CCDC148: variants seen among roughly 807,000 people sequenced by gnomAD.
CCDC148 encodes the protein coiled-coil domain containing 148.
A neutral mutation model predicts 85.7 loss-of-function variants in CCDC148; 89 were observed. That is an observed-to-expected ratio of 1.04 (90% CI 0.87 to 1.24). The LOEUF is 1.24. Ranked by LOEUF, CCDC148 falls within the 50% of genes most tolerant of loss-of-function variation. CCDC148 has a pLI of 0.00. For missense variants in CCDC148, 692 were observed against 671.7 expected, an observed-to-expected ratio of 1.03 and a Z score of -0.33; for synonymous variants, 230 against 213.9, an observed-to-expected ratio of 1.08 and a Z score of -0.66.
At chr2:158,286,865 T>C (rs1690651893) in intron 9 of CCDC148, among the ~76,000 whole-genome samples, 1 of 151,978 alleles carries the variant, frequency 6.6e-6, no homozygotes, top group Admixed American at 6.6e-5. Flanking sequence ...AGAGGCAAAA[T>C]AATAAAGCCT....
intron 7 of CCDC148, among the ~76,000 whole-genome samples, chr2:158,330,177 G>A (rs964489628): frequency 4.6e-5 from 7 of 152,040 alleles, no homozygotes; most frequent in African/African-American, 7.2e-5. Context: ...TTTGAGATAC[G>A]TCCCATCAAT....
At chr2:158,289,272 G>C (rs1056926355) in intron 9 of CCDC148, among the ~76,000 whole-genome samples, 6 of 152,060 alleles carry the variant, frequency 3.9e-5, no homozygotes, top group African/African-American at 1.4e-4. Context: ...ATACTATTAA[G>C]AGAATGAAAA....
At chr2:158,376,167 A>C (rs771290117) in intron 1 of CCDC148, among the ~76,000 whole-genome samples, 5 of 152,130 alleles carry the variant, frequency 3.3e-5, no homozygotes, top group Non-Finnish European at 7.4e-5. Flanking sequence ...TTGCTTTTCA[A>C]TAGTAGCATG....
At chr2:158,403,392 C>A (rs974566073) in intron 1 of CCDC148, among the ~76,000 whole-genome samples, 1 of 152,000 alleles carries the variant, frequency 6.6e-6, no homozygotes. Context: ...ACCATACATA[C>A]AGACACCTTC....
At chr2:158,398,841 GT>G (rs961985002) in intron 1 of CCDC148, among the ~76,000 whole-genome samples, 1 of 152,008 alleles carries the variant, frequency 6.6e-6, no homozygotes, top group Non-Finnish European at 1.5e-5. Context: ...CCAGGAGCTG[GT>G]TTTTTGAAAA....
In CCDC148 at chr2:158,176,586, C is replaced by T. The variant is rs113178783; in HGVS notation, c.1564G>A (p.Glu522Lys). Residue 522 changes from glutamate to lysine, a missense_variant, in exon 13 of 14, where the codon GAA becomes AAA. By Grantham distance (56) the Glu-to-Lys change is moderately conservative. Coordinates refer to ENST00000283233, the MANE Select transcript of CCDC148 (RefSeq NM_138803.4). Reference sequence around the variant, plus strand: ...TGAAGAATAAATTCTTCTTCAATTTCAATGCCCATTCTAGCTTTTGATGCC... The same window carrying T: ...TGAAGAATAAATTCTTCTTCAATTTTAATGCCCATTCTAGCTTTTGATGCC... Reference protein sequence around the residue: ...TMASKARMGIEIEEEFILQKP... With the variant: ...TMASKARMGIKIEEEFILQKP... 1,222 of 1,612,118 alleles carry T rather than the reference C, an allele frequency of 7.6e-4. 17 individuals are homozygous for T. In the African/African-American group the frequency reaches 0.014, roughly 18 times the overall value.
intron 2 of CCDC148, among the ~76,000 whole-genome samples, chr2:158,357,638 G>C (rs1683730328): frequency 6.6e-6 from 1 of 151,936 alleles, no homozygotes; most frequent in African/African-American, 2.4e-5. Context: ...TAATTCCCTG[G>C]CTTTTAAGTG....
intron 1 of CCDC148, among the ~76,000 whole-genome samples, chr2:158,370,257 G>A (rs1047950819): frequency 3.9e-5 from 6 of 152,012 alleles, no homozygotes; most frequent in Middle Eastern, 3.4e-3. Flanking sequence ...TAACAAACCC[G>A]CATGTCCTGC....
At chr2:158,382,332 C>T (rs1384536947) in intron 1 of CCDC148, among the ~76,000 whole-genome samples, 1 of 152,054 alleles carries the variant, frequency 6.6e-6, no homozygotes, top group African/African-American at 2.4e-5. Context: ...CACAAATTCA[C>T]TATTAGATTT....
At chr2:158,215,838 G>A (rs1247570639) in intron 11 of CCDC148, among the ~76,000 whole-genome samples, 2 of 152,072 alleles carry the variant, frequency 1.3e-5, no homozygotes, top group Non-Finnish European at 2.9e-5. Context: ...TAGCCCTCAC[G>A]GTGGGAGTCA....
intron 11 of CCDC148, among the ~76,000 whole-genome samples, chr2:158,197,934 C>T (rs1054000980): frequency 1.4e-5 from 2 of 146,242 alleles, no homozygotes; most frequent in African/African-American, 5.5e-5. Context: ...ATGAATTAAT[C>T]AATTAATTCA....
chr2:158,342,069 G>A (rs557397226), intron 3 of CCDC148, among the ~76,000 whole-genome samples: 14 of 127,538 alleles, frequency 1.1e-4, no homozygotes, highest in South Asian at 2.6e-4. Flanking sequence ...TTGCTGGGTC[G>A]CCCGGGCTGA....
At chr2:158,397,630 C>T (rs1685583488) in intron 1 of CCDC148, among the ~76,000 whole-genome samples, 1 of 152,072 alleles carries the variant, frequency 6.6e-6, no homozygotes, top group African/African-American at 2.4e-5. Context: ...CTGAAGGAAG[C>T]CATAAACATG....
At chr2:158,376,495 A>G (rs1684655823) in intron 1 of CCDC148, among the ~76,000 whole-genome samples, 1 of 152,140 alleles carries the variant, frequency 6.6e-6, no homozygotes, top group Admixed American at 6.6e-5. Flanking sequence ...AACAACAAAG[A>G]CTATAAAACT....
chr2:158,278,018 TG>T (rs1392856919), intron 9 of CCDC148, among the ~76,000 whole-genome samples: 4 of 152,228 alleles, frequency 2.6e-5, no homozygotes, highest in African/African-American at 9.6e-5. Flanking sequence ...ACACTGTGTT[TG>T]GTAAACCTCA....
chr2:158,399,108 A>G (rs1184955475), intron 1 of CCDC148, among the ~76,000 whole-genome samples: 1 of 152,194 alleles, frequency 6.6e-6, no homozygotes, highest in Non-Finnish European at 1.5e-5. Context: ...GACCAATAAC[A>G]GGTTCTGAAA....
intron 13 of CCDC148, among the ~76,000 whole-genome samples, chr2:158,175,869 CCCATCCAT>C (rs966785191): frequency 1.3e-5 from 2 of 151,876 alleles, no homozygotes; most frequent in South Asian, 2.1e-4. Flanking sequence ...CATCCATCCA[CCCATCCAT>C]CCATCCATCC....
At chr2:158,405,560 G>T (rs999128361) in intron 1 of CCDC148, among the ~76,000 whole-genome samples, 1 of 150,216 alleles carries the variant, frequency 6.7e-6, no homozygotes, top group African/African-American at 2.4e-5. Flanking sequence ...TGCAAAAGAA[G>T]ATAGAGCAAA....
At chr2:158,262,109 C>T (rs1012256055) in intron 9 of CCDC148, among the ~76,000 whole-genome samples, 2 of 152,012 alleles carry the variant, frequency 1.3e-5, no homozygotes, top group Non-Finnish European at 2.9e-5. Flanking sequence ...GTGGAATCAA[C>T]CTAAATGCCT....
Sources: gnomAD v4.1 joint callset for allele counts (sites outside exome capture counted in the v4.1 genomes callset) on GRCh38, gnomAD v4.1.1 for gene constraint, MANE v1.5 for transcripts, NCBI Gene and HGNC (gene_info 2026-07-23, HGNC 2026-07-21) for gene names.